Variants in NCKAP5L observed in about 807,000 individuals in gnomAD.
NCKAP5L encodes NCK associated protein 5 like.
NCKAP5L carries 54 observed loss-of-function variants against 103.2 expected under a neutral mutation model. That is an observed-to-expected ratio of 0.52 (90% CI 0.42 to 0.66). The LOEUF is 0.66. NCKAP5L is among the 30% of genes least tolerant of loss of function. NCKAP5L has a pLI of 0.00. For synonymous variants in NCKAP5L, 762 were observed against 748.6 expected (o/e 1.02, Z -0.29); for missense variants, 1,733 against 1,750.6 (o/e 0.99, Z 0.18).
At chr12:49,810,063 G>A (rs921259866) in intron 1 of NCKAP5L, among the ~76,000 whole-genome samples, 1 of 151,638 alleles carries the variant, frequency 6.6e-6, no homozygotes. Flanking sequence ...AAGGGCAGTC[G>A]TGTTATAAGC....
At chr12:49,801,338 G>A (rs566619533) in intron 6 of NCKAP5L, among the ~76,000 whole-genome samples, 1 of 152,314 alleles carries the variant, frequency 6.6e-6, no homozygotes, top group East Asian at 1.9e-4. Context: ...AACCTCAAGT[G>A]ACACCTTAAC....
intron 9 of NCKAP5L, 31 bp downstream of exon 9, chr12:49,793,703 C>A (rs186351279): frequency 1.3e-6 from 2 of 1,517,992 alleles, no homozygotes; most frequent in Non-Finnish European, 8.8e-7. Flanking sequence ...AGAGCCAGGC[C>A]GTCCACCCAG....
Position 49,796,110 on chromosome 12 carries a change from A to G in NCKAP5L, c.1750T>C (p.Tyr584His). The change falls in exon 8 of 13, where the codon TAC (tyrosine) becomes CAC (histidine). Residue 584 changes from tyrosine to histidine, a missense_variant. Physicochemically the swap from Tyr to His is moderately conservative, Grantham distance 83 (BLOSUM62 2). Transcript: ENST00000335999. ...GGTACCTCCAGAGTTAGCTGTGGGT[A>G]GGTGGGCACCTGCAGTGGGGATGGA... ...PPPSPLQVPT[Y>H]PQLTLEVPQA... The G allele has an allele frequency of 6.2e-7, 1 of 1,610,138 alleles. No individual in the cohort carries two copies. The highest frequency in any genetic ancestry group is 8.5e-7 in the Non-Finnish European group (1 of 1,178,292).
chr12:49,806,209 A>G (rs960522150), intron 1 of NCKAP5L, among the ~76,000 whole-genome samples, 168 bp from the exon 2 acceptor site: 10 of 152,216 alleles, frequency 6.6e-5, no homozygotes, highest in Admixed American at 5.9e-4. Flanking sequence ...TAAGGCACTG[A>G]GAGATGACAA....
chr12:49,801,781 A>T lies in NCKAP5L; in HGVS notation c.351+67T>A, dbSNP rs1269212350. The T allele has an allele frequency of 3.1e-6, 5 of 1,592,226 alleles. No homozygotes were observed. The African/African-American group carries it at 6.7e-5, about 21-fold the overall frequency. On this transcript the variant is annotated intron_variant, in intron 6 of 12. Coordinates refer to ENST00000335999, the MANE Select transcript of NCKAP5L (RefSeq NM_001037806.4). Reference sequence around the variant, plus strand: ...CCTAGGGGCACGTGAGAAGACAGTGATGGGGCCGATGGAGCCGAGGAGGCA... The same window carrying T: ...CCTAGGGGCACGTGAGAAGACAGTGTTGGGGCCGATGGAGCCGAGGAGGCA...
At chr12:49,799,919 G>C (rs189815511) in intron 6 of NCKAP5L, among the ~76,000 whole-genome samples, 1 of 152,162 alleles carries the variant, frequency 6.6e-6, no homozygotes, top group Admixed American at 6.5e-5. Flanking sequence ...CATCCGGCCG[G>C]GCATGGTGGC....
Position 49,795,567 on chromosome 12 carries a change from G to T in NCKAP5L, c.2293C>A (p.Pro765Thr). Residue 765 changes from proline to threonine, a missense_variant, in exon 8 of 13, where the codon CCT becomes ACT. By Grantham distance (38) the Pro-to-Thr change is conservative. Transcript: ENST00000335999. The stretch of plus-strand genomic sequence containing the variant: ...GTGAGGCAGCTCCTTGGTGAGACAG[G>T]CTCCAGGTCCACCCGGGCCCCCATG... ...HSMGARVDLE[P>T]VSPRSCLTKV... 6.5e-7 allele frequency: 1 copy of T among 1,543,478 alleles called. No individual in the cohort carries two copies.
chr12:49,795,051 C>T lies in NCKAP5L; in HGVS notation c.2809G>A (p.Ala937Thr). 1 of 1,610,592 alleles carries T rather than the reference C, an allele frequency of 6.2e-7. No homozygotes were observed. The highest frequency in any genetic ancestry group is 8.5e-7 in the Non-Finnish European group (1 of 1,178,600). The change falls in exon 8 of 13, where the codon GCC becomes ACC. Residue 937 changes from alanine to threonine, a missense_variant. Coordinates refer to ENST00000335999, the MANE Select transcript of NCKAP5L (RefSeq NM_001037806.4). ...KLPALNRRTE[A>T]TKNKEGAGGG... ...CCAGCCCCCTCCTTGTTCTTGGTGG[C>T]CTCTGTGCGGCGGTTCAGCGCTGGC... is the stretch of plus-strand genomic sequence containing the variant.
intron 1 of NCKAP5L, among the ~76,000 whole-genome samples, chr12:49,827,961 G>A (rs1946439487): frequency 6.6e-6 from 1 of 152,216 alleles, no homozygotes; most frequent in African/African-American, 2.4e-5. Flanking sequence ...GTTGGGTGGG[G>A]TGAGCAGCTG....
rs116296054 is a variant in NCKAP5L at position 49,797,891 on chromosome 12, G to T, written c.465+459C>A. 3.7e-3 allele frequency among the ~76,000 whole-genome samples: 564 copies of T among 152,304 alleles called. 3 individuals are homozygous for T. The highest frequency in any genetic ancestry group is 0.013 in the African/African-American group (537 of 41,570). On this transcript the variant is annotated intron_variant, in intron 7 of 12. Transcript: ENST00000335999. The surrounding 1 kb of genome is among the most constrained non-coding windows in gnomAD (Gnocchi z 4.5). ...CCTCATCCCCAGCAGAAAGGGGTTG[G>T]GGGTGACGCCATGCCCAGCCCTTTC...
intron 1 of NCKAP5L, among the ~76,000 whole-genome samples, chr12:49,820,569 C>A (rs1166302147): frequency 6.6e-6 from 1 of 152,188 alleles, no homozygotes; most frequent in African/African-American, 2.4e-5. Flanking sequence ...CCCACCTTGG[C>A]CTCCCAAAGT....
intron 1 of NCKAP5L, among the ~76,000 whole-genome samples, chr12:49,812,953 C>T (rs973373930): frequency 1.3e-5 from 2 of 152,196 alleles, no homozygotes; most frequent in Admixed American, 1.3e-4. Context: ...CTTTATAAAT[C>T]ATCTCCAGGC....
In NCKAP5L at chr12:49,793,452, A is replaced by T; in HGVS notation, c.3259-19T>A. 6.2e-7 allele frequency: 1 copy of T among 1,607,508 alleles called. No individual in the cohort carries two copies. Among genetic ancestry groups the T allele is most frequent in the South Asian group, 1.1e-5 (1 of 90,982 alleles). The stretch of plus-strand genomic sequence containing the variant: ...TGCTCGGCTGTGTGGGATACAGGAG[A>T]CCTCATAGTCCACTCCTCCCCCCTC... On this transcript the variant is annotated intron_variant, in intron 9 of 12. Transcript: ENST00000335999.
In NCKAP5L at chr12:49,795,018, A is replaced by C. The variant is rs764454964; in HGVS notation, c.2842T>G (p.Ser948Ala). Residue 948 changes from serine (S) to alanine (A), a missense_variant, in exon 8 of 13, where the codon TCC becomes GCC. Physicochemically the swap from Ser to Ala is moderately conservative, Grantham distance 99. Coordinates refer to ENST00000335999, the MANE Select transcript of NCKAP5L (RefSeq NM_001037806.4). Reference protein sequence around the residue: ...TKNKEGAGGGSPLRREVKMEA... With the variant: ...TKNKEGAGGGAPLRREVKMEA... ...ATCTTGACTTCCCTCCGGAGCGGGGAGCCCCCGCCAGCCCCCTCCTTGTTC... is the reference window on the plus strand; with the variant it reads ...ATCTTGACTTCCCTCCGGAGCGGGGCGCCCCCGCCAGCCCCCTCCTTGTTC... 84 of 1,602,264 alleles carry C rather than the reference A, an allele frequency of 5.2e-5. No individual in the cohort carries two copies. The highest frequency in any genetic ancestry group is 6.2e-5 in the Non-Finnish European group (73 of 1,175,148).
In NCKAP5L at chr12:49,803,713, C is replaced by T. The variant is rs146023814; in HGVS notation, c.123+209G>A. On this transcript the variant is annotated intron_variant, in intron 3 of 12. Coordinates refer to ENST00000335999, the MANE Select transcript of NCKAP5L (RefSeq NM_001037806.4). ...CTGTGCATGCTTCTTGTCCCCGAGCCGTCACTGGGCCGGGCAGCTAAGAGC... is the reference window on the plus strand; with the variant it reads ...CTGTGCATGCTTCTTGTCCCCGAGCTGTCACTGGGCCGGGCAGCTAAGAGC... Among the ~76,000 whole-genome samples the T allele has an allele frequency of 9.0e-3, 1,363 of 152,258 alleles. 18 individuals are homozygous for T. The highest frequency in any genetic ancestry group is 0.031 in the African/African-American group (1,300 of 41,538).
In NCKAP5L at chr12:49,792,201, T is replaced by G; in HGVS notation, c.3793-150A>C. On this transcript the variant is annotated intron_variant, in intron 12 of 12. Coordinates refer to ENST00000335999, the MANE Select transcript of NCKAP5L (RefSeq NM_001037806.4). The surrounding 1 kb of genome is among the most constrained non-coding windows in gnomAD (Gnocchi z 4.5). ...GGGGTATACTTCAGAGGAAACAGGC[T>G]GGAGGTACAACTGAGAACAGTCCTA... 1.9e-6 allele frequency: 2 copies of G among 1,041,870 alleles called. No individual in the cohort carries two copies. The highest frequency in any genetic ancestry group is 2.8e-6 in the Non-Finnish European group (2 of 706,628). 64.5% of individuals were successfully genotyped at this position (1,041,870 alleles called of 1,614,324 possible). A position where few individuals can be genotyped will look rare whatever the true frequency, so the allele number is the denominator to read the frequency against.
rs1945936677 is a variant in NCKAP5L at position 49,791,716 on chromosome 12, C to A, written c.*123G>T. On this transcript the variant is annotated 3_prime_UTR_variant, in exon 13 of 13. Coordinates refer to ENST00000335999, the MANE Select transcript of NCKAP5L (RefSeq NM_001037806.4). ...GTGCCAGGGACCCCCTTTTCACCTT[C>A]TTATCCACCTGCCTCCTTGGTCCCT... The A allele has an allele frequency of 1.2e-6, 1 of 816,036 alleles. No individual in the cohort carries two copies. The allele number at this position is 816,036 out of a possible 1,614,324, so 50.5% of individuals were successfully genotyped here.
In NCKAP5L at chr12:49,795,874, C is replaced by A; in HGVS notation, c.1986G>T (p.Arg662=). The change falls in exon 8 of 13, where the codon CGG becomes CGT. Residue 662 remains arginine, a synonymous_variant. Coordinates refer to ENST00000335999, the MANE Select transcript of NCKAP5L (RefSeq NM_001037806.4). ...GCTTCCCCAGGGCCGCCAGTCTGTC[C>A]CGCAGAGGTGTGCTGCCAGGATCCC... is the stretch of plus-strand genomic sequence containing the variant. The part of the protein sequence containing the change: ...RPGDPGSTPL[R]DRLAALGKLK... 1 of 1,556,970 alleles carries A rather than the reference C, an allele frequency of 6.4e-7. No individual in the cohort carries two copies. The highest frequency in any genetic ancestry group is 1.7e-4 in the Middle Eastern group (1 of 5,842).
rs371408288 is a variant in NCKAP5L, at chr12:49,797,673, G to A, written c.466-279C>T. On this transcript the variant is annotated intron_variant, in intron 7 of 12. Coordinates refer to ENST00000335999, the MANE Select transcript of NCKAP5L (RefSeq NM_001037806.4). The surrounding 1 kb of genome is among the most constrained non-coding windows in gnomAD (Gnocchi z 4.5). ...GTTGCCCCAGCCCCTACTCCCCACA[G>A]CCATTTGGATTAGCAGGGCTGACCA... is the stretch of plus-strand genomic sequence containing the variant. Among the ~76,000 whole-genome samples the A allele has an allele frequency of 9.2e-5, 14 of 152,264 alleles. No individual in the cohort carries two copies. The highest frequency in any genetic ancestry group is 1.9e-4 in the East Asian group (1 of 5,182).
Sources: gnomAD v4.1 joint callset for allele counts (sites outside exome capture counted in the v4.1 genomes callset) on GRCh38, gnomAD v4.1.1 for gene constraint, Gnocchi (gnomAD v3.1) non-coding constraint, MANE v1.5 for transcripts, NCBI Gene and HGNC (gene_info 2026-07-23, HGNC 2026-07-21) for gene names.